Variants in RNF144B observed in about 807,000 individuals in gnomAD.
RNF144B encodes the protein ring finger protein 144B.
In RNF144B, 25 loss-of-function variants were observed where a neutral mutation model predicts 40.2. That is an observed-to-expected ratio of 0.62 (90% CI 0.45 to 0.87). The LOEUF is 0.87. Ranked by LOEUF, RNF144B falls within the 40% of genes least tolerant of loss-of-function variation. The pLI is 0.00. For synonymous variants in RNF144B, 145 were observed against 136.3 expected, an observed-to-expected ratio of 1.06 and a Z score of -0.44; for missense variants, 365 against 373.7, an observed-to-expected ratio of 0.98 and a Z score of 0.19.
Position 18,406,504 on chromosome 6 carries a change from G to GTGT in RNF144B, c.165+6805_165+6806insTGT, listed in dbSNP as rs1794912951. On this transcript the variant is annotated intron_variant, in intron 2 of 7. Coordinates refer to ENST00000259939, the MANE Select transcript of RNF144B (RefSeq NM_182757.4). The surrounding 1 kb of genome is among the most constrained non-coding windows in gnomAD (Gnocchi z 4.2). ...TGTGTGTGTGTGTGTGTGTGTGTAG[G>GTGT]GGGAGTAGTAGGAGATGAAGGCTAA... Among the ~76,000 whole-genome samples the GTGT allele has an allele frequency of 7.0e-6, 1 of 143,560 alleles. No homozygotes were observed. Among genetic ancestry groups the GTGT allele is most frequent in the African/African-American group, 2.5e-5 (1 of 39,274 alleles). The allele number at this position is 143,560 out of a possible 152,430, so 94.2% of individuals were successfully genotyped here.
At chr6:18,430,382 G>A (rs1758666065) in intron 3 of RNF144B, among the ~76,000 whole-genome samples, 1 of 152,230 alleles carries the variant, frequency 6.6e-6, no homozygotes, top group Non-Finnish European at 1.5e-5. Flanking sequence ...AGGGGCCAGT[G>A]TGCCCAGGTA....
intron 7 of RNF144B, 40 bp downstream of exon 7, chr6:18,463,420 C>T (rs1007837331): frequency 1.2e-5 from 14 of 1,200,806 alleles, no homozygotes; most frequent in African/African-American, 7.5e-5. Context: ...AAACCAAAAT[C>T]GTGATGGCTT....
Position 18,416,107 on chromosome 6 carries a change from G to C in RNF144B, c.166-11474G>C, listed in dbSNP as rs1460172786. On this transcript the variant is annotated intron_variant, in intron 2 of 7. Coordinates refer to ENST00000259939, the MANE Select transcript of RNF144B (RefSeq NM_182757.4). This position sits in a 1 kb window ranked among gnomAD's most constrained non-coding sequence, Gnocchi z 5.5. ...AAGTAGAAGGATGTAAACTTGGCAA[G>C]CCTTCTTGTTTTCTTTCTCCTGGAA... 6.6e-6 allele frequency among the ~76,000 whole-genome samples: 1 copy of C among 151,734 alleles called. No homozygotes were observed. The highest frequency in any genetic ancestry group is 2.1e-4 in the South Asian group (1 of 4,820).
At position 18,405,455 on chromosome 6, in the gene RNF144B, G is replaced by A. The variant is rs894730218; in HGVS notation, c.165+5756G>A. Among the ~76,000 whole-genome samples the A allele has an allele frequency of 1.3e-5, 2 of 152,066 alleles. No homozygotes were observed. Among genetic ancestry groups the A allele is most frequent in the Admixed American group, 1.3e-4 (2 of 15,272 alleles). ...CTCCCAAAGTGCTGGGATTATAGGC[G>A]TGAGCCACCGTGCCCAGCCGCAAGG... is the stretch of plus-strand genomic sequence containing the variant. On this transcript the variant is annotated intron_variant, in intron 2 of 7. Coordinates refer to ENST00000259939, the MANE Select transcript of RNF144B (RefSeq NM_182757.4). The surrounding 1 kb of genome is among the most constrained non-coding windows in gnomAD (Gnocchi z 4.5).
intron 2 of RNF144B, among the ~76,000 whole-genome samples, chr6:18,424,218 A>C (rs891683230): frequency 6.6e-6 from 1 of 152,228 alleles, no homozygotes; most frequent in African/African-American, 2.4e-5. Context: ...ACAGAAGAAG[A>C]GAGGGACACT....
At chr6:18,411,482 TATATATATATA>T (rs1190111562) in intron 2 of RNF144B, among the ~76,000 whole-genome samples, 637 of 37,878 alleles carry the variant, frequency 0.017, 15 homozygotes, top group South Asian at 0.024. Context: ...TATATATATA[TATATATATATA>T]TATATTTTTT....
At chr6:18,396,086 C>T (rs6941274) in intron 1 of RNF144B, among the ~76,000 whole-genome samples, 62,363 of 151,864 alleles carry the variant, frequency 0.41, 12,985 homozygotes, top group South Asian at 0.52. Context: ...ATAAAAATTA[C>T]ATATGTTTTT....
Position 18,465,762 on chromosome 6 carries a change from A to G in RNF144B, c.*695A>G, listed in dbSNP as rs982659422. ...TGCAGCCTGTTAAACAATGTGGTCT[A>G]ATTTAGTGTCTCTCCCTTGGCAAAT... On this transcript the variant is annotated 3_prime_UTR_variant, in exon 8 of 8. Coordinates refer to ENST00000259939, the MANE Select transcript of RNF144B (RefSeq NM_182757.4). 3 of 152,234 alleles carry G rather than the reference A, an allele frequency of 2.0e-5. No homozygotes were observed. The highest frequency in any genetic ancestry group is 2.9e-5 in the Non-Finnish European group (2 of 68,046). The allele number at this position is 152,234 out of a possible 1,614,324, so 9.4% of individuals were successfully genotyped here. A position where few individuals can be genotyped will look rare whatever the true frequency, so the allele number is the denominator to read the frequency against.
intron 2 of RNF144B, among the ~76,000 whole-genome samples, chr6:18,420,716 C>A (rs1384705785): frequency 5.3e-5 from 8 of 151,990 alleles, no homozygotes; most frequent in Admixed American, 5.3e-4. Context: ...AAGGCAATAC[C>A]ACCAGCCTCA....
rs1376254098 is a variant in RNF144B at position 18,419,553 on chromosome 6, A to G, written c.166-8028A>G. On this transcript the variant is annotated intron_variant, in intron 2 of 7. Coordinates refer to ENST00000259939, the MANE Select transcript of RNF144B (RefSeq NM_182757.4). The surrounding 1 kb of genome is among the most constrained non-coding windows in gnomAD (Gnocchi z 4.6). ...CTAGAGAGGAAGAATGAAAACCAGA[A>G]GAGTATGGGATCCAGAAGACAAGGG... Among the ~76,000 whole-genome samples the G allele has an allele frequency of 6.6e-6, 1 of 152,162 alleles. No homozygotes were observed. Among genetic ancestry groups the G allele is most frequent in the African/African-American group, 2.4e-5 (1 of 41,442 alleles).
In RNF144B at chr6:18,442,210, A is replaced by G. The variant is rs1412753700; in HGVS notation, c.331+2466A>G. Among the ~76,000 whole-genome samples the G allele has an allele frequency of 6.6e-6, 1 of 152,184 alleles. No individual in the cohort carries two copies. Among genetic ancestry groups the G allele is most frequent in the Non-Finnish European group, 1.5e-5 (1 of 68,028 alleles). ...CTGCTTGTAACTGGCTTATTCTTTC[A>G]TTAGACGTGATAATATATTCAGTCT... On this transcript the variant is annotated intron_variant, in intron 4 of 7. Transcript: ENST00000259939. The surrounding 1 kb of genome is among the most constrained non-coding windows in gnomAD (Gnocchi z 4.3).
Position 18,465,158 on chromosome 6 carries a change from T to A in RNF144B, c.*91T>A. On this transcript the variant is annotated 3_prime_UTR_variant, in exon 8 of 8. Transcript: ENST00000259939. ...TTTAGTGACCTTGCCTCCTTCTCCTTGCCAACTTTGAAAGTGCCTCCGTGT... is the reference window on the plus strand; with the variant it reads ...TTTAGTGACCTTGCCTCCTTCTCCTAGCCAACTTTGAAAGTGCCTCCGTGT... 1 of 1,375,424 alleles carries A rather than the reference T, an allele frequency of 7.3e-7. No homozygotes were observed. The highest frequency in any genetic ancestry group is 1.0e-6 in the Non-Finnish European group (1 of 1,000,786). 85.2% of individuals were successfully genotyped at this position (1,375,424 alleles called of 1,614,324 possible). A position where few individuals can be genotyped will look rare whatever the true frequency, so the allele number is the denominator to read the frequency against.
At chr6:18,388,996 T>C (rs1169212986) in intron 1 of RNF144B, among the ~76,000 whole-genome samples, 6 of 151,964 alleles carry the variant, frequency 3.9e-5, no homozygotes, top group Non-Finnish European at 5.9e-5. Flanking sequence ...CAAACAAAAC[T>C]CAACCAAAAA....
Position 18,465,020 on chromosome 6 carries a change from A to T in RNF144B, c.865A>T (p.Lys289Ter), listed in dbSNP as rs1198578546. The T allele has an allele frequency of 1.2e-6, 2 of 1,613,760 alleles. No individual in the cohort carries two copies. Among genetic ancestry groups the T allele is most frequent in the Non-Finnish European group, 1.7e-6 (2 of 1,179,926 alleles). ...ASPCIICCVC[K>*]SCRGKKKKHD... ...CCCATGTATAATCTGTTGTGTCTGC[A>T]AGTCCTGTCGGGGCAAGAAGAAAAA... The change falls in exon 8 of 8, where the codon AAG becomes TAG. Residue 289 changes from lysine to a stop codon, truncating the protein, a stop_gained. Coordinates refer to ENST00000259939, the MANE Select transcript of RNF144B (RefSeq NM_182757.4). LOFTEE classifies it high-confidence loss of function.
chr6:18,430,657 A>T (rs1758671949), intron 3 of RNF144B, among the ~76,000 whole-genome samples: 1 of 148,116 alleles, frequency 6.8e-6, no homozygotes, highest in African/African-American at 2.5e-5. Context: ...CTAATTTTTA[A>T]TTTTTTTTTT....
rs1794873422 is a variant in RNF144B, at chr6:18,405,149, C to CA, written c.165+5450_165+5451insA. Among the ~76,000 whole-genome samples, 2 of 70,204 alleles carry CA rather than the reference C, an allele frequency of 2.8e-5. No homozygotes were observed. The highest frequency in any genetic ancestry group is 5.7e-5 in the Non-Finnish European group (2 of 34,900). The allele number at this position is 70,204 out of a possible 152,430, so 46.1% of individuals were successfully genotyped here. On this transcript the variant is annotated intron_variant, in intron 2 of 7. Transcript: ENST00000259939. This position sits in a 1 kb window ranked among gnomAD's most constrained non-coding sequence, Gnocchi z 4.5. ...GCTTGCTTGCAAGGTTAGTTTTTTT[C>CA]TTTATTATTATTATTATTATTATTA...
At position 18,446,840 on chromosome 6, in the gene RNF144B, G is replaced by GGTGTGTGTGTGTGT. The variant is rs70974744; in HGVS notation, c.331+7117_331+7130dup. ...TAAAGTTTTATTGGTTCTATTTTAG[G>GGTGTGTGTGTGTGT]GTGTGTGTGTGTGTGTGTGTGTGTG... On this transcript the variant is annotated intron_variant, in intron 4 of 7. Coordinates refer to ENST00000259939, the MANE Select transcript of RNF144B (RefSeq NM_182757.4). The surrounding 1 kb of genome is among the most constrained non-coding windows in gnomAD (Gnocchi z 4.7). 8.6e-4 allele frequency among the ~76,000 whole-genome samples: 128 copies of GGTGTGTGTGTGTGT among 148,000 alleles called. No homozygotes were observed. Among genetic ancestry groups the GGTGTGTGTGTGTGT allele is most frequent in the African/African-American group, 3.1e-3 (125 of 40,008 alleles).
rs551158740 is a variant in RNF144B, at chr6:18,389,070, C to T, written c.-37+1440C>T. On this transcript the variant is annotated intron_variant, in intron 1 of 7. Transcript: ENST00000259939. ...TCTCCTACACTACTGTGCTGGAAGT[C>T]GGGCTTGAGTGTGGTCAAATCCTGC... is the stretch of plus-strand genomic sequence containing the variant. 1.4e-4 allele frequency among the ~76,000 whole-genome samples: 21 copies of T among 152,204 alleles called. 1 individual carries two copies. The East Asian group carries it at 2.5e-3, about 18-fold the overall frequency.
Position 18,465,390 on chromosome 6 carries a change from G to A in RNF144B, c.*323G>A, listed in dbSNP as rs918606183. Reference sequence around the variant, plus strand: ...TTCCAGCCAAATTCAAGGAGCTTGCGGGAACATTTGATATAACAAATGTGT... The same window carrying A: ...TTCCAGCCAAATTCAAGGAGCTTGCAGGAACATTTGATATAACAAATGTGT... On this transcript the variant is annotated 3_prime_UTR_variant, in exon 8 of 8. Transcript: ENST00000259939. 3.0e-5 allele frequency: 8 copies of A among 266,194 alleles called. No individual in the cohort carries two copies. Among genetic ancestry groups the A allele is most frequent in the East Asian group, 7.4e-5 (1 of 13,568 alleles). The allele number at this position is 266,194 out of a possible 1,614,324, so 16.5% of individuals were successfully genotyped here.
Sources: allele counts gnomAD v4.1 joint callset (sites outside exome capture counted in the v4.1 genomes callset), GRCh38; gene constraint gnomAD v4.1.1; non-coding constraint Gnocchi (gnomAD v3.1); transcripts MANE v1.5; gene names NCBI Gene and HGNC (gene_info 2026-07-23, HGNC 2026-07-21).